MAML3: variants seen among roughly 807,000 people sequenced by gnomAD.
The protein encoded by MAML3 is mastermind like transcriptional coactivator 3, also known as mastermind-like protein 3.
In MAML3, 27 loss-of-function variants were observed where a neutral mutation model predicts 101.9. The observed-to-expected ratio is 0.27, with a 90% CI of 0.20 to 0.37. The LOEUF is 0.37. Ranked by LOEUF, MAML3 falls within the 10% of genes least tolerant of loss-of-function variation. MAML3 has a pLI of 1.00. For missense variants in MAML3, 1,316 were observed against 1,444.9 expected (o/e 0.91, Z 1.45); for synonymous variants, 501 against 555.9 (o/e 0.90, Z 1.39).
At chr4:139,840,807 C>T (rs112592350) in intron 2 of MAML3, among the ~76,000 whole-genome samples, 6,206 of 152,214 alleles carry the variant, frequency 0.041, 397 homozygotes, top group African/African-American at 0.14. Context: ...TGGTGGCCAG[C>T]GAGCCCTCAC....
chr4:140,027,285 G>A (rs1726842061), intron 1 of MAML3, among the ~76,000 whole-genome samples: 1 of 152,198 alleles, frequency 6.6e-6, no homozygotes, highest in Non-Finnish European at 1.5e-5. Flanking sequence ...ATGTGAATTT[G>A]CAGTCCTGAC....
chr4:139,750,738 C>T (rs1729475367), intron 2 of MAML3, among the ~76,000 whole-genome samples: 1 of 152,110 alleles, frequency 6.6e-6, no homozygotes, highest in Non-Finnish European at 1.5e-5. Context: ...AATGGCCTTC[C>T]TAAGGCACTC....
chr4:140,071,327 T>G (rs1727648180), intron 1 of MAML3, among the ~76,000 whole-genome samples: 1 of 152,150 alleles, frequency 6.6e-6, no homozygotes, highest in Non-Finnish European at 1.5e-5. Context: ...AGCCTTTTCC[T>G]TCTTTAGCAA....
intron 1 of MAML3, among the ~76,000 whole-genome samples, chr4:140,127,420 T>C (rs905306425): frequency 2.2e-5 from 3 of 134,638 alleles, no homozygotes; most frequent in African/African-American, 6.1e-5. Flanking sequence ...CCAAAAGGAG[T>C]GACAGAAAGT....
intron 1 of MAML3, among the ~76,000 whole-genome samples, chr4:139,893,206 C>T (rs1039846758): frequency 4.6e-5 from 7 of 152,142 alleles, no homozygotes; most frequent in Non-Finnish European, 7.4e-5. Flanking sequence ...TTTCTTGGAA[C>T]GTCCTCCTGC....
intron 4 of MAML3, among the ~76,000 whole-genome samples, chr4:139,722,734 A>G (rs1361332521): frequency 6.6e-6 from 1 of 152,218 alleles, no homozygotes; most frequent in Non-Finnish European, 1.5e-5. Context: ...GACCTTTGAA[A>G]TGTATAATGG....
At chr4:140,076,778 C>G (rs1462239656) in intron 1 of MAML3, among the ~76,000 whole-genome samples, 3 of 152,220 alleles carry the variant, frequency 2.0e-5, no homozygotes, top group East Asian at 3.8e-4. Context: ...CCACAAGTTG[C>G]CATTTCCTGA....
intron 2 of MAML3, among the ~76,000 whole-genome samples, chr4:139,884,760 C>T (rs933120907): frequency 2.0e-5 from 3 of 152,228 alleles, no homozygotes; most frequent in Non-Finnish European, 2.9e-5. Context: ...AAAAGCGGCT[C>T]TGTGTTATTT....
intron 1 of MAML3, among the ~76,000 whole-genome samples, chr4:139,996,691 G>A (rs1052075480): frequency 7.2e-5 from 11 of 152,006 alleles, no homozygotes; most frequent in Admixed American, 7.2e-4. Flanking sequence ...TGTATCGTGT[G>A]TGTGTGTGTG....
Position 139,992,425 on chromosome 4 carries a change from C to CT in MAML3, c.469-101459dup, listed in dbSNP as rs1021806424. ...TCCTTAGAGTTTAAAGACGTTGTCA[C>CT]TTTTTTTTCCCAAAACGGCTGTGCC... On this transcript the variant is annotated intron_variant, in intron 1 of 4. Transcript: ENST00000509479. Among the ~76,000 whole-genome samples, 11 of 152,122 alleles carry CT rather than the reference C, an allele frequency of 7.2e-5. No homozygotes were observed. In the East Asian group the frequency reaches 1.5e-3, roughly 21 times the overall value.
intron 1 of MAML3, among the ~76,000 whole-genome samples, chr4:140,030,860 G>A (rs1003906169): frequency 9.2e-5 from 14 of 152,184 alleles, no homozygotes; most frequent in African/African-American, 3.4e-4. Context: ...ACCTCTCCAG[G>A]CACTGCTGTG....
chr4:140,080,390 C>T (rs1163336059), intron 1 of MAML3, among the ~76,000 whole-genome samples: 1 of 152,222 alleles, frequency 6.6e-6, no homozygotes, highest in African/African-American at 2.4e-5. Context: ...TGGTTCTCAT[C>T]CTTTAAACGG....
intron 1 of MAML3, among the ~76,000 whole-genome samples, chr4:139,997,705 T>C (rs1374179918): frequency 1.3e-5 from 2 of 152,106 alleles, no homozygotes; most frequent in East Asian, 1.9e-4. Context: ...GGATTTCCTT[T>C]AGTATTTATT....
At chr4:140,000,349 C>T (rs2110842846) in intron 1 of MAML3, among the ~76,000 whole-genome samples, 1 of 151,374 alleles carries the variant, frequency 6.6e-6, no homozygotes. Flanking sequence ...AAAAAAACAA[C>T]ACAGCACTTC....
chr4:140,104,370 A>ATTATATAATATATATATATTATATAT (rs1188641766), intron 1 of MAML3, among the ~76,000 whole-genome samples: 3 of 22,558 alleles, frequency 1.3e-4, no homozygotes, highest in African/African-American at 5.2e-4. Flanking sequence ...TTTTATATAT[A>ATTATATAATATATATATATTATATAT]TATATAATAT....
intron 1 of MAML3, among the ~76,000 whole-genome samples, chr4:140,047,075 A>G (rs1727195045): frequency 6.6e-6 from 1 of 152,174 alleles, no homozygotes; most frequent in Non-Finnish European, 1.5e-5. Flanking sequence ...GAAGGGTTTC[A>G]GTGAAGAAAC....
chr4:140,037,967 T>C (rs1043652725), intron 1 of MAML3, among the ~76,000 whole-genome samples: 2 of 152,186 alleles, frequency 1.3e-5, no homozygotes, highest in Non-Finnish European at 2.9e-5. Flanking sequence ...CTAAATGCAA[T>C]GTGAGAGAAG....
chr4:139,836,599 C>T (rs551694155), intron 2 of MAML3, among the ~76,000 whole-genome samples: 2 of 152,242 alleles, frequency 1.3e-5, no homozygotes, highest in South Asian at 4.2e-4. Flanking sequence ...GCAAGCCAGC[C>T]CCAGGAGGTT....
rs1043933677 is a variant in MAML3 at position 140,153,474 on chromosome 4, GA to G, written c.-148del. On this transcript the variant is annotated 5_prime_UTR_variant, in exon 1 of 5. Transcript: ENST00000509479. ...ATGGAAACGGCGATCCCGACGGGGC[GA>G]AAAAAACGGGGGGGGAGATTTTGGG... is the stretch of plus-strand genomic sequence containing the variant. 5 of 589,380 alleles carry G rather than the reference GA, an allele frequency of 8.5e-6. No individual in the cohort carries two copies. Among genetic ancestry groups the G allele is most frequent in the Admixed American group, 5.3e-5 (1 of 18,774 alleles). The allele number at this position is 589,380 out of a possible 1,614,324, so 36.5% of individuals were successfully genotyped here.
Sources: allele counts gnomAD v4.1 joint callset (sites outside exome capture counted in the v4.1 genomes callset), GRCh38; gene constraint gnomAD v4.1.1; transcripts MANE v1.5; gene names NCBI Gene and HGNC (gene_info 2026-07-23, HGNC 2026-07-21).